The following CLIP1 variants were observed in gnomAD, a reference collection of about 807,000 sequenced individuals.
CLIP1 encodes the protein CAP-Gly domain-containing linker protein 1.
Under a neutral mutation model 161.6 loss-of-function variants are expected in CLIP1, and 66 were observed. That is an observed-to-expected ratio of 0.41 (90% CI 0.33 to 0.50). CLIP1 has a LOEUF of 0.50. Ranked by LOEUF, CLIP1 falls within the 20% of genes least tolerant of loss-of-function variation. The pLI, the probability that CLIP1 is intolerant of heterozygous loss-of-function variation, is 0.27. For synonymous variants in CLIP1, 598 were observed against 626.2 expected (o/e 0.96, Z 0.67); for missense variants, 1,376 against 1,702.0 (o/e 0.81, Z 3.37).
At chr12:122,333,660 C>G (rs1226364333) in intron 14 of CLIP1, among the ~76,000 whole-genome samples, 1 of 152,162 alleles carries the variant, frequency 6.6e-6, no homozygotes, top group Non-Finnish European at 1.5e-5. Context: ...CATGATCTGA[C>G]TTCGTATTAA....
chr12:122,409,392 C>T (rs1406294856), intron 1 of CLIP1, among the ~76,000 whole-genome samples: 1 of 151,996 alleles, frequency 6.6e-6, no homozygotes, highest in Non-Finnish European at 1.5e-5. Context: ...TCCCAAAGTG[C>T]TGGGATTACA....
chr12:122,298,212 C>T (rs544929594), intron 20 of CLIP1, among the ~76,000 whole-genome samples: 5 of 152,258 alleles, frequency 3.3e-5, no homozygotes, highest in African/African-American at 9.6e-5. Context: ...TGCAACAGTA[C>T]GCATTATGCT....
chr12:122,357,338 GAA>G (rs562195923), intron 5 of CLIP1, among the ~76,000 whole-genome samples: 144 of 151,238 alleles, frequency 9.5e-4, no homozygotes, highest in African/African-American at 3.3e-3. Flanking sequence ...CCCCGTCTGA[GAA>G]GAGAGGAGAC....
At chr12:122,335,052 C>G (rs1372976196) in intron 12 of CLIP1, among the ~76,000 whole-genome samples, 1 of 152,174 alleles carries the variant, frequency 6.6e-6, no homozygotes, top group African/African-American at 2.4e-5. Context: ...AAACAGCAGA[C>G]CTTCTCTTCA....
intron 20 of CLIP1, 130 bp downstream of exon 20, chr12:122,309,631 AG>A (rs1195283842): frequency 9.5e-7 from 1 of 1,049,212 alleles, no homozygotes; most frequent in Non-Finnish European, 1.4e-6. Flanking sequence ...CACATAGCAC[AG>A]GTAACTTGGA....
At chr12:122,273,409 A>G (rs539267040) in intron 25 of CLIP1, among the ~76,000 whole-genome samples, 1 of 151,236 alleles carries the variant, frequency 6.6e-6, no homozygotes, top group Non-Finnish European at 1.5e-5. Flanking sequence ...GCCACCCCAC[A>G]CAGTTACTTT....
At chr12:122,397,553 CAAAAAAAAAAAAAA>C (rs35589479) in intron 1 of CLIP1, among the ~76,000 whole-genome samples, 2,143 of 66,940 alleles carry the variant, frequency 0.032, 87 homozygotes, top group African/African-American at 0.12. Context: ...ACTCCATCTC[CAAAAAAAAAAAAAA>C]AAAAAAAAAA....
intron 4 of CLIP1, among the ~76,000 whole-genome samples, chr12:122,362,930 G>A (rs1460808584): frequency 2.0e-5 from 3 of 152,056 alleles, no homozygotes; most frequent in African/African-American, 7.2e-5. Context: ...GCAGTTCCAA[G>A]AGAGCTTTAT....
At position 122,296,126 on chromosome 12, in the gene CLIP1, T is replaced by C. The variant is rs1950460252; in HGVS notation, c.3595-7585A>G. On this transcript the variant is annotated intron_variant, in intron 20 of 25. Coordinates refer to ENST00000620786, the MANE Select transcript of CLIP1 (RefSeq NM_001247997.2). ...TACTGTGTTTATGAATAAGGTTACATACTGTTTTGATTCCATTTATGTGAC... is the reference window on the plus strand; with the variant it reads ...TACTGTGTTTATGAATAAGGTTACACACTGTTTTGATTCCATTTATGTGAC... Among the ~76,000 whole-genome samples the C allele has an allele frequency of 2.0e-5, 3 of 152,228 alleles. No individual in the cohort carries two copies. The South Asian group carries it at 6.2e-4, about 31-fold the overall frequency.
chr12:122,320,250 A>G (rs1951439360), intron 17 of CLIP1, among the ~76,000 whole-genome samples: 1 of 148,982 alleles, frequency 6.7e-6, no homozygotes, highest in Non-Finnish European at 1.5e-5. Context: ...CTGGCGACAC[A>G]GCGAGACTCC....
chr12:122,344,893 G>GGGAAC lies in CLIP1; in HGVS notation c.1506+2481_1506+2482insGTTCC, dbSNP rs1473771626. ...TCTTAACACTTGGGAACCCAAGAGT[G>GGGAAC]AGGATCAACAGAAGACATACTTCGT... On this transcript the variant is annotated intron_variant, in intron 10 of 25. Transcript: ENST00000620786. 2.6e-5 allele frequency among the ~76,000 whole-genome samples: 4 copies of GGGAAC among 152,266 alleles called. No individual in the cohort carries two copies. The East Asian group carries it at 7.7e-4, about 29-fold the overall frequency.
intron 1 of CLIP1, among the ~76,000 whole-genome samples, chr12:122,398,261 C>CAA (rs11324468): frequency 3.9e-5 from 4 of 103,316 alleles, no homozygotes; most frequent in Admixed American, 9.9e-5. Context: ...ACTGAAAATA[C>CAA]AAAAAAAAAA....
At chr12:122,280,913 C>G (rs1226617583) in intron 21 of CLIP1, 1 of 152,206 alleles carries the variant, frequency 6.6e-6, no homozygotes, top group African/African-American at 2.4e-5. Flanking sequence ...ACACCTGGTT[C>G]TATTCCAAGG....
At chr12:122,410,219 C>T (rs1956477866) in intron 1 of CLIP1, among the ~76,000 whole-genome samples, 3 of 151,976 alleles carry the variant, frequency 2.0e-5, no homozygotes, top group Admixed American at 1.3e-4. Context: ...ACAGTTTCCT[C>T]GAGAGCAGGA....
At chr12:122,393,170 T>TG (rs1429372094) in intron 1 of CLIP1, among the ~76,000 whole-genome samples, 3 of 151,504 alleles carry the variant, frequency 2.0e-5, no homozygotes, top group Non-Finnish European at 4.4e-5. Flanking sequence ...AATCTTGTTT[T>TG]TTTTTTTTTT....
At chr12:122,360,696 T>C (rs1338349131) in intron 5 of CLIP1, 8 of 395,442 alleles carry the variant, frequency 2.0e-5, no homozygotes, top group East Asian at 1.8e-4. Flanking sequence ...GCAGTAGTTA[T>C]ACAGATTCAC....
intron 20 of CLIP1, among the ~76,000 whole-genome samples, chr12:122,304,992 T>G (rs560022230): frequency 6.6e-6 from 1 of 152,356 alleles, no homozygotes; most frequent in South Asian, 2.1e-4. Context: ...CCCAATTTTT[T>G]TGTATAATAC....
chr12:122,405,490 T>C (rs1363033193), intron 1 of CLIP1, among the ~76,000 whole-genome samples: 4 of 152,094 alleles, frequency 2.6e-5, no homozygotes, highest in Non-Finnish European at 5.9e-5. Context: ...AACACAAAGA[T>C]TAAAAAAGCA....
chr12:122,421,952 C>T (rs1212695084), intron 1 of CLIP1, among the ~76,000 whole-genome samples: 1 of 152,272 alleles, frequency 6.6e-6, no homozygotes, highest in Admixed American at 6.5e-5. Flanking sequence ...CCAGCCTTCC[C>T]CGGTCTCCGA....
Sources: allele counts gnomAD v4.1 joint callset (sites outside exome capture counted in the v4.1 genomes callset), GRCh38; gene constraint gnomAD v4.1.1; transcripts MANE v1.5; gene names NCBI Gene and HGNC (gene_info 2026-07-23, HGNC 2026-07-21).